Variants in COL11A1 observed in about 807,000 individuals in gnomAD.
COL11A1 encodes collagen type XI alpha 1 chain.
A neutral mutation model predicts 265.2 loss-of-function variants in COL11A1; 74 were observed. The ratio of observed to expected loss-of-function variants is 0.28; its 90% CI spans 0.23 to 0.34. The LOEUF is 0.34. COL11A1 is among the 10% of genes least tolerant of loss of function. The pLI is 1.00. For missense variants in COL11A1, 2,165 were observed against 2,263.6 expected (o/e 0.96, Z 0.88); for synonymous variants, 816 against 727.6 (o/e 1.12, Z -1.96).
rs1671834684 is a variant in COL11A1, at chr1:103,074,682, G to T, written c.587C>A (p.Ala196Glu). 1 of 1,613,238 alleles carries T rather than the reference G, an allele frequency of 6.2e-7. No homozygotes were observed. The highest frequency in any genetic ancestry group is 8.5e-7 in the Non-Finnish European group (1 of 1,179,596). The change falls in exon 4 of 67, where the codon GCA becomes GAA. Residue 196 changes from alanine to glutamate, a missense_variant. By Grantham distance (107) the Ala-to-Glu change is moderately radical. Coordinates refer to ENST00000370096, the MANE Select transcript of COL11A1 (RefSeq NM_001854.4). ...CGTGATTCCATTGGTATCAACAATT[G>T]CTCTCTCACTTCTATCAAGTGGTTT... Reference protein sequence around the residue: ...TTKPLDRSERAIVDTNGITVF... With the variant: ...TTKPLDRSEREIVDTNGITVF...
chr1:102,975,242 C>G (rs1043818047), intron 35 of COL11A1, among the ~76,000 whole-genome samples: 9 of 143,572 alleles, frequency 6.3e-5, no homozygotes, highest in Admixed American at 7.0e-5. Flanking sequence ...TATTTTGATT[C>G]AATTCAATTC....
chr1:103,007,038 A>G (rs1665692101), intron 15 of COL11A1, among the ~76,000 whole-genome samples: 1 of 149,922 alleles, frequency 6.7e-6, no homozygotes, highest in African/African-American at 2.5e-5. Context: ...TTCTCCTTTC[A>G]TTGCGCTTAT....
At chr1:102,978,834 C>T (rs373650568) in intron 34 of COL11A1, 26 bp downstream of exon 34, 58 of 1,613,892 alleles carry the variant, frequency 3.6e-5, no homozygotes, top group Middle Eastern at 3.3e-4. Context: ...ACAGTAACAT[C>T]CAAACAGAAA....
intron 4 of COL11A1, among the ~76,000 whole-genome samples, chr1:103,039,488 T>A (rs1226009128): frequency 4.6e-5 from 7 of 152,008 alleles, no homozygotes; most frequent in Non-Finnish European, 1.0e-4. Context: ...TGAATCTGAC[T>A]GGTCTCCTTT....
intron 4 of COL11A1, among the ~76,000 whole-genome samples, chr1:103,059,134 A>T (rs1460021974): frequency 6.6e-6 from 1 of 152,174 alleles, no homozygotes; most frequent in Non-Finnish European, 1.5e-5. Flanking sequence ...AAAGCATGAT[A>T]TAACAATGTA....
intron 57 of COL11A1, 89 bp from the exon 58 acceptor site, chr1:102,890,593 T>A: frequency 9.0e-7 from 1 of 1,108,276 alleles, no homozygotes; most frequent in Non-Finnish European, 1.3e-6. Context: ...CCTAGTTTAG[T>A]TTTGAAAATA....
intron 5 of COL11A1, among the ~76,000 whole-genome samples, chr1:103,026,802 T>G (rs542342585): frequency 6.6e-6 from 1 of 152,136 alleles, no homozygotes; most frequent in East Asian, 1.9e-4. Context: ...GAAAGGATTT[T>G]CATATCTATT....
chr1:103,044,029 T>C (rs1005401367), intron 4 of COL11A1, among the ~76,000 whole-genome samples: 34 of 152,250 alleles, frequency 2.2e-4, no homozygotes, highest in African/African-American at 8.2e-4. Flanking sequence ...TTTGATTGCA[T>C]ATACAAGGCT....
chr1:103,050,576 C>T (rs999295301), intron 4 of COL11A1, among the ~76,000 whole-genome samples: 1 of 152,044 alleles, frequency 6.6e-6, no homozygotes, highest in South Asian at 2.1e-4. Context: ...GTAGTTTGAT[C>T]GTCTGAAGCC....
chr1:102,931,750 G>A (rs913483008), intron 46 of COL11A1, among the ~76,000 whole-genome samples: 1 of 152,042 alleles, frequency 6.6e-6, no homozygotes, highest in Admixed American at 6.5e-5. Flanking sequence ...GGTCACTCAG[G>A]ACTTGCTTTA....
Position 102,888,587 on chromosome 1 carries a change from G to A in COL11A1, c.4598C>T (p.Pro1533Leu). 2 of 1,613,354 alleles carry A rather than the reference G, an allele frequency of 1.2e-6. No individual in the cohort carries two copies. Among genetic ancestry groups the A allele is most frequent in the East Asian group, 4.5e-5 (2 of 44,852 alleles). The change falls in exon 62 of 67, where the codon CCT (proline) becomes CTT (leucine). Residue 1533 changes from proline to leucine, a missense_variant. Coordinates refer to ENST00000370096, the MANE Select transcript of COL11A1 (RefSeq NM_001854.4). The part of the protein sequence containing the change: ...QKGDSGLPGP[P>L]GSPGPPGEVI... ...TTAACATATACTTACTGGAGACCCAGGAGGCCCTGGAAGACCACTGTCACC... is the reference window on the plus strand; with the variant it reads ...TTAACATATACTTACTGGAGACCCAAGAGGCCCTGGAAGACCACTGTCACC...
At chr1:102,986,507 A>G (rs1284859739) in intron 30 of COL11A1, among the ~76,000 whole-genome samples, 1 of 152,130 alleles carries the variant, frequency 6.6e-6, no homozygotes, top group African/African-American at 2.4e-5. Context: ...GCACATGTAT[A>G]CATATGTAAC....
At position 102,944,634 on chromosome 1, in the gene COL11A1, C is replaced by A. The variant is rs76362153; in HGVS notation, c.3276+2215G>T. ...TTCATCTGTCTCACCTAATTAATTT[C>A]TTATCGGTTTCAATGTTTTTTGATA... is the stretch of plus-strand genomic sequence containing the variant. On this transcript the variant is annotated intron_variant, in intron 42 of 66. Transcript: ENST00000370096. Among the ~76,000 whole-genome samples the A allele has an allele frequency of 9.1e-3, 1,379 of 152,186 alleles. 20 individuals are homozygous for A. The highest frequency in any genetic ancestry group is 0.032 in the African/African-American group (1,315 of 41,550).
chr1:103,073,814 A>T (rs184625149), intron 4 of COL11A1, among the ~76,000 whole-genome samples: 1 of 152,094 alleles, frequency 6.6e-6, no homozygotes, highest in African/African-American at 2.4e-5. Context: ...GTGTGTACAC[A>T]TCTGTGTATG....
chr1:102,952,318 C>T (rs1305432718), intron 41 of COL11A1, among the ~76,000 whole-genome samples: 1 of 152,090 alleles, frequency 6.6e-6, no homozygotes, highest in African/African-American at 2.4e-5. Context: ...AGGATGGTCT[C>T]GATCTCTTGA....
intron 4 of COL11A1, among the ~76,000 whole-genome samples, chr1:103,055,862 C>T (rs13375231): frequency 0.031 from 4,658 of 152,234 alleles, 273 homozygotes; most frequent in African/African-American, 0.11. Context: ...TTCAAACGTT[C>T]GTATCTTGGG....
chr1:102,978,681 T>C, intron 35 of COL11A1, 27 bp downstream of exon 35: 2 of 1,610,972 alleles, frequency 1.2e-6, no homozygotes, highest in Non-Finnish European at 1.7e-6. Context: ...ATTTTCATTT[T>C]ATATTATGTG....
At chr1:103,046,208 T>C (rs978142710) in intron 4 of COL11A1, among the ~76,000 whole-genome samples, 1 of 145,746 alleles carries the variant, frequency 6.9e-6, no homozygotes, top group Non-Finnish European at 1.5e-5. Context: ...ACTTCCACAA[T>C]GGTTGAACTA....
At chr1:102,965,426 G>T in intron 38 of COL11A1, 61 bp downstream of exon 38, 1 of 1,402,890 alleles carries the variant, frequency 7.1e-7, no homozygotes, top group Non-Finnish European at 1.0e-6. Context: ...ACACAACTTA[G>T]GAAGGTTAAA....
Sources: allele counts gnomAD v4.1 joint callset (sites outside exome capture counted in the v4.1 genomes callset), GRCh38; gene constraint gnomAD v4.1.1; transcripts MANE v1.5; gene names NCBI Gene and HGNC (gene_info 2026-07-23, HGNC 2026-07-21).